Variants in PTH1R observed in about 807,000 individuals in gnomAD.
PTH1R encodes the protein parathyroid hormone 1 receptor, also known as parathyroid hormone/parathyroid hormone-related peptide receptor.
A neutral mutation model predicts 70.7 loss-of-function variants in PTH1R; 32 were observed. That is an observed-to-expected ratio of 0.45 (90% confidence interval 0.34 to 0.61). The LOEUF (loss-of-function observed/expected upper bound fraction) is 0.61. Ranked by LOEUF, PTH1R falls within the 20% of genes least tolerant of loss-of-function variation. PTH1R has a pLI of 0.01. For missense variants in PTH1R, 626 were observed against 792.5 expected, an observed-to-expected ratio of 0.79 and a Z score of 2.52; for synonymous variants, 329 against 324.8, an observed-to-expected ratio of 1.01 and a Z score of -0.14.
At position 46,883,706 on chromosome 3, in the gene PTH1R, G is replaced by A. The variant is rs1327977223; in HGVS notation, c.75+72G>A. Reference sequence around the variant, plus strand: ...CTAGGGTCCGCGGGATAGGTCTAAGGCACGCAGTCTTGAGTTCCCCCAGTA... The same window carrying A: ...CTAGGGTCCGCGGGATAGGTCTAAGACACGCAGTCTTGAGTTCCCCCAGTA... On this transcript the variant is annotated intron_variant, in intron 3 of 15. Transcript: ENST00000449590. This position sits in a 1 kb window ranked among gnomAD's most constrained non-coding sequence, Gnocchi z 6.4. 5 of 1,521,626 alleles carry A rather than the reference G, an allele frequency of 3.3e-6. No individual in the cohort carries two copies. In the East Asian group the frequency reaches 9.8e-5, roughly 30 times the overall value. 94.3% of individuals were successfully genotyped at this position (1,521,626 alleles called of 1,614,324 possible). A position where few individuals can be genotyped will look rare whatever the true frequency, so the allele number is the denominator to read the frequency against.
intron 3 of PTH1R, among the ~76,000 whole-genome samples, chr3:46,887,833 G>C (rs148402920): frequency 6.6e-6 from 1 of 152,104 alleles, no homozygotes; most frequent in Non-Finnish European, 1.5e-5. Flanking sequence ...GTAGTCCATA[G>C]GAATGTACAT....
chr3:46,903,033 G>A lies in PTH1R; in HGVS notation c.1396-237G>A, dbSNP rs529954323. The A allele has an allele frequency of 1.4e-4, 141 of 983,674 alleles. No individual in the cohort carries two copies. In the African/African-American group the frequency reaches 2.0e-3, roughly 14 times the overall value. The allele number at this position is 983,674 out of a possible 1,614,324, so 60.9% of individuals were successfully genotyped here. ...TCCCAGCCCCATGGTTCAATTATCT[G>A]TGACCCAGATTGGAGGACTCAGCCA... is the stretch of plus-strand genomic sequence containing the variant. On this transcript the variant is annotated intron_variant, in intron 15 of 15. Transcript: ENST00000449590. This position sits in a 1 kb window ranked among gnomAD's most constrained non-coding sequence, Gnocchi z 4.4.
At position 46,896,574 on chromosome 3, in the gene PTH1R, G is replaced by A. The variant is rs987351624; in HGVS notation, c.313+705G>A. Reference sequence around the variant, plus strand: ...TCACCCTGTGGCTCCCTGGGGACCAGAGGGAATTGTGGGCCTGGCTGGGTG... The same window carrying A: ...TCACCCTGTGGCTCCCTGGGGACCAAAGGGAATTGTGGGCCTGGCTGGGTG... On this transcript the variant is annotated intron_variant, in intron 5 of 15. Coordinates refer to ENST00000449590, the MANE Select transcript of PTH1R (RefSeq NM_000316.3). The surrounding 1 kb of genome is among the most constrained non-coding windows in gnomAD (Gnocchi z 4.1). Among the ~76,000 whole-genome samples, 1 of 152,232 alleles carries A rather than the reference G, an allele frequency of 6.6e-6. No individual in the cohort carries two copies. Among genetic ancestry groups the A allele is most frequent in the Non-Finnish European group, 1.5e-5 (1 of 68,028 alleles).
intron 8 of PTH1R, 27 bp from the exon 9 acceptor site, chr3:46,898,635 C>T (rs1332717341): frequency 1.2e-6 from 2 of 1,610,300 alleles, no homozygotes; most frequent in African/African-American, 1.3e-5. Flanking sequence ...CGTGCCCCCA[C>T]CCACGGTCAT....
At chr3:46,889,821 C>A (rs1307731759) in intron 3 of PTH1R, among the ~76,000 whole-genome samples, 1 of 152,168 alleles carries the variant, frequency 6.6e-6, no homozygotes, top group Non-Finnish European at 1.5e-5. Context: ...TCAGTCCTCA[C>A]CCCTGAGACC....
rs956304902 is a variant in PTH1R, at chr3:46,884,184, A to G, written c.75+550A>G. Among the ~76,000 whole-genome samples the G allele has an allele frequency of 3.3e-5, 5 of 152,090 alleles. No homozygotes were observed. Among genetic ancestry groups the G allele is most frequent in the Non-Finnish European group, 5.9e-5 (4 of 68,018 alleles). On this transcript the variant is annotated intron_variant, in intron 3 of 15. Transcript: ENST00000449590. The surrounding 1 kb of genome is among the most constrained non-coding windows in gnomAD (Gnocchi z 4.8). ...CCCAAGGAGGTGGGTGTGGTGTGGC[A>G]TGGAGAAGGGATGGAGTTCCCTGAA...
At chr3:46,898,264 G>A in intron 7 of PTH1R, 72 bp downstream of exon 7, 1 of 1,582,316 alleles carries the variant, frequency 6.3e-7, no homozygotes, top group South Asian at 1.1e-5. Context: ...CCCTGACCCA[G>A]CCCTGACCCC....
rs897071138 is a variant in PTH1R, at chr3:46,891,021, G to A, written c.76-2886G>A. On this transcript the variant is annotated intron_variant, in intron 3 of 15. Transcript: ENST00000449590. This position sits in a 1 kb window ranked among gnomAD's most constrained non-coding sequence, Gnocchi z 4.3. ...GTGAGCTAACGTTTGGAGGGGTAGC[G>A]CACTTGGTGTGGGGTTGTCCTCCTC... Among the ~76,000 whole-genome samples, 4 of 152,226 alleles carry A rather than the reference G, an allele frequency of 2.6e-5. No homozygotes were observed. The highest frequency in any genetic ancestry group is 1.3e-4 in the Admixed American group (2 of 15,286).
Position 46,882,696 on chromosome 3 carries a change from G to A in PTH1R, c.-48-816G>A, listed in dbSNP as rs1365972935. ...GGAGGGAGGGAGCGAGGGAGTGACC[G>A]AAACGGAGCTTGGGGCCGCTGGAAG... On this transcript the variant is annotated intron_variant, in intron 2 of 15. Coordinates refer to ENST00000449590, the MANE Select transcript of PTH1R (RefSeq NM_000316.3). The surrounding 1 kb of genome is among the most constrained non-coding windows in gnomAD (Gnocchi z 4.3). 6.6e-6 allele frequency among the ~76,000 whole-genome samples: 1 copy of A among 152,018 alleles called. No homozygotes were observed. Among genetic ancestry groups the A allele is most frequent in the African/African-American group, 2.4e-5 (1 of 41,402 alleles).
rs924720657 is a variant in PTH1R at position 46,882,833 on chromosome 3, A to C, written c.-48-679A>C. On this transcript the variant is annotated intron_variant, in intron 2 of 15. Coordinates refer to ENST00000449590, the MANE Select transcript of PTH1R (RefSeq NM_000316.3). This position sits in a 1 kb window ranked among gnomAD's most constrained non-coding sequence, Gnocchi z 4.3. ...CACAGGCGCAAGCGGGGCTCTGGCC[A>C]AGGATGGGGAAGGGGTGCGGGAGGC... Among the ~76,000 whole-genome samples, 1 of 151,674 alleles carries C rather than the reference A, an allele frequency of 6.6e-6. No homozygotes were observed. Among genetic ancestry groups the C allele is most frequent in the African/African-American group, 2.4e-5 (1 of 41,310 alleles).
chr3:46,896,930 G>C lies in PTH1R; in HGVS notation c.314-925G>C, dbSNP rs2031787795. On this transcript the variant is annotated intron_variant, in intron 5 of 15. Transcript: ENST00000449590. This position sits in a 1 kb window ranked among gnomAD's most constrained non-coding sequence, Gnocchi z 4.1. ...AGCAGGTACTCAGGGCAGGCATTGA[G>C]TGGTGGTAGAAGCATGGGCCAATGT... 6.6e-6 allele frequency among the ~76,000 whole-genome samples: 1 copy of C among 152,230 alleles called. No homozygotes were observed. Among genetic ancestry groups the C allele is most frequent in the Admixed American group, 6.5e-5 (1 of 15,286 alleles).
intron 10 of PTH1R, 72 bp from the exon 11 acceptor site, chr3:46,900,953 C>T (rs1194244199): frequency 4.0e-6 from 6 of 1,504,784 alleles, no homozygotes; most frequent in Admixed American, 3.9e-5. Flanking sequence ...TGGGGGTCAT[C>T]GAGGATGAGG....
chr3:46,893,212 C>G lies in PTH1R; in HGVS notation c.76-695C>G, dbSNP rs918892284. On this transcript the variant is annotated intron_variant, in intron 3 of 15. Coordinates refer to ENST00000449590, the MANE Select transcript of PTH1R (RefSeq NM_000316.3). The surrounding 1 kb of genome is among the most constrained non-coding windows in gnomAD (Gnocchi z 5.2). The stretch of plus-strand genomic sequence containing the variant: ...TGAGGGCCTGAGTGTCATCAGAACT[C>G]CGAGTCTGGATGGAGGGAGCTCCCA... Among the ~76,000 whole-genome samples the G allele has an allele frequency of 6.6e-6, 1 of 152,022 alleles. No individual in the cohort carries two copies. The highest frequency in any genetic ancestry group is 1.9e-4 in the East Asian group (1 of 5,180).
chr3:46,903,015 C>A lies in PTH1R; in HGVS notation c.1395+225C>A. ...TGGCATAGCCAAGTGTCTTCCCAGCCCCATGGTTCAATTATCTGTGACCCA... is the reference window on the plus strand; with the variant it reads ...TGGCATAGCCAAGTGTCTTCCCAGCACCATGGTTCAATTATCTGTGACCCA... On this transcript the variant is annotated intron_variant, in intron 15 of 15. Coordinates refer to ENST00000449590, the MANE Select transcript of PTH1R (RefSeq NM_000316.3). This position sits in a 1 kb window ranked among gnomAD's most constrained non-coding sequence, Gnocchi z 4.4. The A allele has an allele frequency of 1.0e-6, 1 of 956,686 alleles. No homozygotes were observed. Among genetic ancestry groups the A allele is most frequent in the Non-Finnish European group, 1.6e-6 (1 of 618,260 alleles). 59.3% of individuals were successfully genotyped at this position (956,686 alleles called of 1,614,324 possible).
intron 1 of PTH1R, 135 bp from the exon 2 acceptor site, chr3:46,880,927 C>T (rs2030517728): frequency 6.6e-6 from 1 of 152,140 alleles, no homozygotes; most frequent in Admixed American, 6.5e-5. Flanking sequence ...TTGCAGGCTC[C>T]GAGGAGCTCA....
intron 10 of PTH1R, among the ~76,000 whole-genome samples, chr3:46,900,439 G>A (rs1197177845): frequency 2.0e-5 from 3 of 152,104 alleles, no homozygotes; most frequent in Non-Finnish European, 4.4e-5. Context: ...GTATGTGGTC[G>A]GGGAGGACCT....
intron 4 of PTH1R, 40 bp downstream of exon 4, chr3:46,894,049 T>A: frequency 6.3e-7 from 1 of 1,594,272 alleles, no homozygotes; most frequent in East Asian, 2.2e-5. Context: ...TGAGGTCAGG[T>A]GAGGGAGGGG....
Position 46,901,233 on chromosome 3 carries a change from C to T in PTH1R, c.1049+148C>T, listed in dbSNP as rs545654986. On this transcript the variant is annotated intron_variant, in intron 11 of 15. Coordinates refer to ENST00000449590, the MANE Select transcript of PTH1R (RefSeq NM_000316.3). This position sits in a 1 kb window ranked among gnomAD's most constrained non-coding sequence, Gnocchi z 7.3. ...TCCAGCCTCAAGCCAGGAGCACCCTCAGGGTCACAGGAGGCTACTTCCAAA... is the reference window on the plus strand; with the variant it reads ...TCCAGCCTCAAGCCAGGAGCACCCTTAGGGTCACAGGAGGCTACTTCCAAA... 2 of 1,294,216 alleles carry T rather than the reference C, an allele frequency of 1.5e-6. No homozygotes were observed. Among genetic ancestry groups the T allele is most frequent in the East Asian group, 5.0e-5 (2 of 39,710 alleles). The allele number at this position is 1,294,216 out of a possible 1,614,324, so 80.2% of individuals were successfully genotyped here. A position where few individuals can be genotyped will look rare whatever the true frequency, so the allele number is the denominator to read the frequency against.
Position 46,877,773 on chromosome 3 carries a change from T to C in PTH1R, c.-176T>C, listed in dbSNP as rs1167115752. Reference sequence around the variant, plus strand: ...ACAGAAGCTGCTCAGGGACTATCCATGGCCTCCCCGTGGCCAACTTGAGTC... The same window carrying C: ...ACAGAAGCTGCTCAGGGACTATCCACGGCCTCCCCGTGGCCAACTTGAGTC... On this transcript the variant is annotated 5_prime_UTR_variant, in exon 1 of 16. The change abolishes an upstream ATG in the 5' untranslated region. Transcript: ENST00000449590. 3 of 152,270 alleles carry C rather than the reference T, an allele frequency of 2.0e-5. No homozygotes were observed. The highest frequency in any genetic ancestry group is 2.1e-4 in the South Asian group (1 of 4,838). The allele number at this position is 152,270 out of a possible 1,614,324, so 9.4% of individuals were successfully genotyped here. A position where few individuals can be genotyped will look rare whatever the true frequency, so the allele number is the denominator to read the frequency against.
Sources: gnomAD v4.1 joint callset for allele counts (sites outside exome capture counted in the v4.1 genomes callset) on GRCh38, gnomAD v4.1.1 for gene constraint, Gnocchi (gnomAD v3.1) non-coding constraint, MANE v1.5 for transcripts, NCBI Gene and HGNC (gene_info 2026-07-23, HGNC 2026-07-21) for gene names.